The following COG5 variants were observed in gnomAD, a reference collection of about 807,000 sequenced individuals.
The protein encoded by COG5 is conserved oligomeric Golgi complex subunit 5.
In COG5, 86 loss-of-function variants were observed where a neutral mutation model predicts 110.4. The ratio of observed to expected loss-of-function variants is 0.78; its 90% CI spans 0.65 to 0.93. The LOEUF (loss-of-function observed/expected upper bound fraction) is 0.93, where lower values mean the gene tolerates loss of function less well. Among genes scored for constraint, COG5 ranks in the 40% least tolerant of loss-of-function variants. COG5 has a pLI of 0.00. For missense variants in COG5, 1,077 were observed against 987.0 expected (o/e 1.09, Z -1.22); for synonymous variants, 360 against 334.6 (o/e 1.08, Z -0.83).
At chr7:107,332,299 A>G (rs1374123500) in intron 10 of COG5, among the ~76,000 whole-genome samples, 1 of 152,226 alleles carries the variant, frequency 6.6e-6, no homozygotes, top group East Asian at 1.9e-4. Context: ...GCCACAGGGA[A>G]TAAATCAATT....
Position 107,372,727 on chromosome 7 carries a change from A to G in COG5, c.703T>C (p.Phe235Leu). The G allele has an allele frequency of 1.2e-6, 2 of 1,613,708 alleles. No individual in the cohort carries two copies. The highest frequency in any genetic ancestry group is 2.2e-5 in the South Asian group (2 of 91,056). The change falls in exon 8 of 22, where the codon TTC (phenylalanine) becomes CTC (leucine). Residue 235 changes from phenylalanine to leucine, a missense_variant. By Grantham distance (22) the Phe-to-Leu change is conservative. Transcript: ENST00000297135. Reference protein sequence around the residue: ...PTQVGTALQVFYNLGTLKDTI... With the variant: ...PTQVGTALQVLYNLGTLKDTI... The stretch of plus-strand genomic sequence containing the variant: ...TCCTTCAAAGTTCCAAGATTATAGA[A>G]AACCTGAAGAGCTGTTCCGACTTGA...
chr7:107,562,683 A>C (rs996186129), intron 1 of COG5, among the ~76,000 whole-genome samples: 1 of 152,274 alleles, frequency 6.6e-6, no homozygotes, highest in African/African-American at 2.4e-5. Context: ...TAGAGTTTCC[A>C]ACATGAAATA....
intron 7 of COG5, among the ~76,000 whole-genome samples, chr7:107,404,329 T>C (rs944868841): frequency 1.3e-5 from 2 of 152,204 alleles, no homozygotes; most frequent in Non-Finnish European, 2.9e-5. Context: ...TGAACATCTA[T>C]TCAGGCTAAG....
intron 6 of COG5, among the ~76,000 whole-genome samples, chr7:107,434,532 G>T (rs573538486): frequency 1.8e-3 from 278 of 152,044 alleles, no homozygotes; most frequent in African/African-American, 6.0e-3. Flanking sequence ...AATCACCACT[G>T]AAGAACTTAT....
At chr7:107,440,975 C>T (rs902453382) in intron 6 of COG5, among the ~76,000 whole-genome samples, 10 of 152,104 alleles carry the variant, frequency 6.6e-5, no homozygotes, top group Admixed American at 3.9e-4. Context: ...AATCCCAGGC[C>T]GGGCGTGGTG....
At chr7:107,411,865 A>G (rs1376800157) in intron 7 of COG5, among the ~76,000 whole-genome samples, 2 of 152,162 alleles carry the variant, frequency 1.3e-5, no homozygotes, top group African/African-American at 4.8e-5. Context: ...CGGAGAAAAT[A>G]TCTGGGTATA....
In COG5 at chr7:107,548,196, GGAGT is replaced by G; in HGVS notation, c.348-20_348-17del. The G allele has an allele frequency of 1.9e-6, 3 of 1,610,912 alleles. No individual in the cohort carries two copies. The highest frequency in any genetic ancestry group is 2.2e-5 in the South Asian group (2 of 91,012). On this transcript the variant is annotated splice_polypyrimidine_tract_variant and intron_variant, in intron 4 of 21. Transcript: ENST00000297135. ...TGCTTTTATCCTACAGGAAAAGAGA[GGAGT>G]GAGAATAAAATCATTTTCAGAATAT...
intron 14 of COG5, among the ~76,000 whole-genome samples, chr7:107,269,492 T>G (rs1260534657): frequency 1.3e-5 from 2 of 150,736 alleles, no homozygotes; most frequent in Non-Finnish European, 3.0e-5. Context: ...AAAAAAAAAA[T>G]TATATTCAAT....
chr7:107,338,284 G>A (rs1055143187), intron 10 of COG5, among the ~76,000 whole-genome samples: 6 of 151,974 alleles, frequency 3.9e-5, no homozygotes, highest in African/African-American at 7.2e-5. Context: ...GTATGGTACC[G>A]GTATGAAACA....
intron 10 of COG5, among the ~76,000 whole-genome samples, chr7:107,333,304 A>C (rs1810430694): frequency 1.3e-5 from 2 of 152,212 alleles, no homozygotes; most frequent in African/African-American, 2.4e-5. Flanking sequence ...CTTCGAGGGG[A>C]AACATTTTGC....
chr7:107,271,216 A>C (rs960476667), intron 14 of COG5, among the ~76,000 whole-genome samples: 3 of 152,072 alleles, frequency 2.0e-5, no homozygotes, highest in African/African-American at 7.2e-5. Context: ...CATTGCATCT[A>C]GCCTGGGCAA....
chr7:107,304,892 T>A (rs1029518574), intron 11 of COG5, among the ~76,000 whole-genome samples: 8 of 152,216 alleles, frequency 5.3e-5, no homozygotes, highest in Non-Finnish European at 8.8e-5. Context: ...ACTTACTACA[T>A]GCCAAATACT....
intron 6 of COG5, among the ~76,000 whole-genome samples, chr7:107,519,581 C>T (rs1800180660): frequency 6.6e-6 from 1 of 151,886 alleles, no homozygotes; most frequent in African/African-American, 2.4e-5. Context: ...TACACACTCC[C>T]AAGACTAAGC....
chr7:107,508,164 C>T (rs948242118), intron 6 of COG5, among the ~76,000 whole-genome samples: 6 of 152,220 alleles, frequency 3.9e-5, no homozygotes, highest in Non-Finnish European at 8.8e-5. Context: ...CCTGGAAAAT[C>T]GGGTAACTCC....
chr7:107,256,691 A>C, intron 16 of COG5, 41 bp downstream of exon 16: 116 of 1,411,594 alleles, frequency 8.2e-5, no homozygotes, highest in Non-Finnish European at 1.1e-4. Context: ...ATAATCCTAA[A>C]ACCACTTTGA....
At chr7:107,418,701 A>G (rs1360586091) in intron 6 of COG5, among the ~76,000 whole-genome samples, 3 of 151,212 alleles carry the variant, frequency 2.0e-5, no homozygotes, top group African/African-American at 7.3e-5. Flanking sequence ...AAGGACAACT[A>G]CATATACATT....
At chr7:107,511,816 G>A (rs1799537595) in intron 6 of COG5, among the ~76,000 whole-genome samples, 1 of 152,212 alleles carries the variant, frequency 6.6e-6, no homozygotes, top group Non-Finnish European at 1.5e-5. Context: ...CTCAATAGAT[G>A]CAGAAAAGGC....
At chr7:107,412,764 T>C (rs1252710354) in intron 6 of COG5, 132 bp from the exon 7 acceptor site, 1 of 623,406 alleles carries the variant, frequency 1.6e-6, no homozygotes, top group East Asian at 2.9e-5. Flanking sequence ...TCAAAATCCG[T>C]ATTTTAAAAA....
At chr7:107,211,621 A>C (rs1280862636) in intron 19 of COG5, among the ~76,000 whole-genome samples, 1 of 152,232 alleles carries the variant, frequency 6.6e-6, no homozygotes, top group Non-Finnish European at 1.5e-5. Context: ...TTAAAATAGA[A>C]TCCTTCTTTG....
Sources: gnomAD v4.1 joint callset for allele counts (sites outside exome capture counted in the v4.1 genomes callset) on GRCh38, gnomAD v4.1.1 for gene constraint, MANE v1.5 for transcripts, NCBI Gene and HGNC (gene_info 2026-07-23, HGNC 2026-07-21) for gene names.